Variants in FASN observed in about 807,000 individuals in gnomAD.
FASN encodes fatty acid synthase.
A neutral mutation model predicts 250.0 loss-of-function variants in FASN; 50 were observed. The ratio of observed to expected loss-of-function variants is 0.20; its 90% CI spans 0.16 to 0.25. FASN has a LOEUF of 0.25. Ranked by LOEUF, FASN falls within the 10% of genes least tolerant of loss-of-function variation. The probability of loss-of-function intolerance (pLI) is 1.00; values close to 1 mark genes in which losing one functional copy is unlikely to be tolerated. For synonymous variants in FASN, 1,909 were observed against 1,584.0 expected, an observed-to-expected ratio of 1.21 and a Z score of -4.87; for missense variants, 3,031 against 3,498.5, an observed-to-expected ratio of 0.87 and a Z score of 3.37.
Position 82,085,474 on chromosome 17 carries a change from G to A in FASN, c.4122+8C>T, listed in dbSNP as rs767428016. 4 of 1,588,246 alleles carry A rather than the reference G, an allele frequency of 2.5e-6. No individual in the cohort carries two copies. Among genetic ancestry groups the A allele is most frequent in the East Asian group, 2.3e-5 (1 of 43,454 alleles). ...CCCCCACCCTGTCCCCCTGCCCGGC[G>A]GCCGCACCTGGCTCAGGATGCCCTG... is the stretch of plus-strand genomic sequence containing the variant. On this transcript the variant is annotated splice_region_variant and intron_variant, in intron 23 of 42. Transcript: ENST00000306749.
chr17:82,092,040 G>C (rs1038653381), intron 8 of FASN, among the ~76,000 whole-genome samples: 2 of 152,210 alleles, frequency 1.3e-5, no homozygotes, highest in Non-Finnish European at 2.9e-5. Context: ...CATGGGTGTT[G>C]GGGCTCCTGT....
In FASN at chr17:82,078,973, G is replaced by C. The variant is rs1447225209; in HGVS notation, c.*170C>G. On this transcript the variant is annotated 3_prime_UTR_variant, in exon 43 of 43. Transcript: ENST00000306749. This position sits in a 1 kb window ranked among gnomAD's most constrained non-coding sequence, Gnocchi z 5.4. ...TCCCCGAGGTGCCGTGGGAGGCGGC[G>C]GGTGGGTGGGACATGCCTAACACCT... is the stretch of plus-strand genomic sequence containing the variant. The C allele has an allele frequency of 2.5e-6, 2 of 793,604 alleles. No individual in the cohort carries two copies. Among genetic ancestry groups the C allele is most frequent in the Non-Finnish European group, 4.0e-6 (2 of 497,008 alleles). 49.2% of individuals were successfully genotyped at this position (793,604 alleles called of 1,614,324 possible). A position where few individuals can be genotyped will look rare whatever the true frequency, so the allele number is the denominator to read the frequency against.
chr17:82,090,986 C>A lies in FASN; in HGVS notation c.1576G>T (p.Ala526Ser), dbSNP rs779573465. 9.3e-6 allele frequency: 15 copies of A among 1,612,928 alleles called. No homozygotes were observed. In the South Asian group the frequency reaches 1.5e-4, roughly 17 times the overall value. Residue 526 changes from alanine to serine, a missense_variant, in exon 10 of 43, where the codon GCT becomes TCT. Transcript: ENST00000306749. ...ACCTTCAGGCCGAATGGCTTCACAG[C>A]CTCATCGGAGCGTAGGATGGAATCT... Reference protein sequence around the residue: ...FRDSILRSDEAVKPFGLKVSQ... With the variant: ...FRDSILRSDESVKPFGLKVSQ...
chr17:82,089,379 C>T lies in FASN; in HGVS notation c.1971G>A (p.Pro657=), dbSNP rs151060676. The change falls in exon 13 of 43, where the codon CCG becomes CCA. Residue 657 remains proline, a synonymous_variant. Transcript: ENST00000306749. ...DTVTISGPQA[P]VFEFVEQLRK... is the part of the protein sequence containing the mutation. ...TCAGCTGCTCCACGAACTCAAACAC[C>T]GGGGCCTGGACATCGTGGGAGCCTG... 59 of 1,612,792 alleles carry T rather than the reference C, an allele frequency of 3.7e-5. No individual in the cohort carries two copies. Among genetic ancestry groups the T allele is most frequent in the Middle Eastern group, 1.6e-4 (1 of 6,062 alleles).
rs376432461 is a variant in FASN at position 82,085,100 on chromosome 17, A to G, written c.4344T>C (p.Cys1448=). 5.2e-5 allele frequency: 84 copies of G among 1,612,526 alleles called. No individual in the cohort carries two copies. The highest frequency in any genetic ancestry group is 1.1e-5 in the Non-Finnish European group (13 of 1,179,926). ...SRPVWLKAIN[C]ATSGVVGLVN... ...CCAAGCCCACCACGCCCGAGGTGGCACAGTTGATGGCCTTCAGCCACACAG... is the reference window on the plus strand; with the variant it reads ...CCAAGCCCACCACGCCCGAGGTGGCGCAGTTGATGGCCTTCAGCCACACAG... The change falls in exon 25 of 43, where the codon TGT becomes TGC. Residue 1448 remains cysteine (C), a synonymous_variant. Coordinates refer to ENST00000306749, the MANE Select transcript of FASN (RefSeq NM_004104.5).
Position 82,093,098 on chromosome 17 carries a change from G to T in FASN, c.656-79C>A, listed in dbSNP as rs1245035220. On this transcript the variant is annotated intron_variant, in intron 5 of 42. Coordinates refer to ENST00000306749, the MANE Select transcript of FASN (RefSeq NM_004104.5). ...CCACCAGGAGGAGCTCTGGGGTGTG[G>T]GGTGGGTGCTTGGGTGGGGGATCCC... 1.2e-5 allele frequency: 19 copies of T among 1,588,750 alleles called. No homozygotes were observed. The East Asian group carries it at 4.3e-4, about 36-fold the overall frequency.
chr17:82,086,969 G>A, intron 21 of FASN, 81 bp downstream of exon 21: 1 of 1,523,028 alleles, frequency 6.6e-7, no homozygotes, highest in Non-Finnish European at 9.0e-7. Context: ...CCGTGGAGAA[G>A]CAAGTCTGGG....
Position 82,079,543 on chromosome 17 carries a change from G to A in FASN, c.7212C>T (p.Ile2404=), listed in dbSNP as rs377370967. The A allele has an allele frequency of 6.2e-7, 1 of 1,609,624 alleles. No homozygotes were observed. Among genetic ancestry groups the A allele is most frequent in the East Asian group, 2.2e-5 (1 of 44,880 alleles). The change falls in exon 42 of 43, where the codon ATC becomes ATT. Residue 2404 remains isoleucine (I), a synonymous_variant. Transcript: ENST00000306749. The stretch of plus-strand genomic sequence containing the variant: ...GGTCCAGGCCCTGGTGGCTCTTGAT[G>A]ATCAGGTCCACGGCGGCTGCCACAC... ...EERVAAAVDL[I]IKSHQGLDRQ...
In FASN at chr17:82,078,872, C is replaced by A; in HGVS notation, c.*271G>T. On this transcript the variant is annotated 3_prime_UTR_variant, in exon 43 of 43. Coordinates refer to ENST00000306749, the MANE Select transcript of FASN (RefSeq NM_004104.5). This position sits in a 1 kb window ranked among gnomAD's most constrained non-coding sequence, Gnocchi z 5.4. ...GCGCAGACCCCACGGGCGCACGAGG[C>A]CCAGCCCAGTTCCTGCGGGCACGGG... The A allele has an allele frequency of 1.7e-6, 1 of 576,042 alleles. No individual in the cohort carries two copies. The highest frequency in any genetic ancestry group is 3.1e-6 in the Non-Finnish European group (1 of 321,378). 35.7% of individuals were successfully genotyped at this position (576,042 alleles called of 1,614,324 possible).
rs1370246464 is a variant in FASN at position 82,084,826 on chromosome 17, C to T, written c.4537G>A (p.Ala1513Thr). ...MNVYRDGAWG[A>T]FRHFLLEEDK... Reference sequence around the variant, plus strand: ...TCCTCCAGCAGGAAGTGGCGGAAAGCCCCCCAGGCCCCGTCGCGGTAGACG... The same window carrying T: ...TCCTCCAGCAGGAAGTGGCGGAAAGTCCCCCAGGCCCCGTCGCGGTAGACG... Residue 1513 changes from alanine (A) to threonine (T), a missense_variant, in exon 26 of 43, where the codon GCT becomes ACT. Ala to Thr is a moderately conservative substitution (Grantham distance 58, BLOSUM62 0). Coordinates refer to ENST00000306749, the MANE Select transcript of FASN (RefSeq NM_004104.5). 5.2e-6 allele frequency: 8 copies of T among 1,550,128 alleles called. No homozygotes were observed. The East Asian group carries it at 9.8e-5, about 19-fold the overall frequency.
intron 4 of FASN, 74 bp from the exon 5 acceptor site, chr17:82,093,493 G>C: frequency 1.3e-6 from 2 of 1,587,550 alleles, no homozygotes; most frequent in Non-Finnish European, 1.7e-6. Flanking sequence ...CCTGCCACCA[G>C]GCTGGACACA....
intron 4 of FASN, 85 bp downstream of exon 4, chr17:82,093,513 G>A: frequency 1.3e-6 from 2 of 1,599,062 alleles, no homozygotes; most frequent in South Asian, 1.1e-5. Context: ...ACACTGCACG[G>A]AGTGAGCCCA....
At position 82,087,080 on chromosome 17, in the gene FASN, C is replaced by T; in HGVS notation, c.3397G>A (p.Ala1133Thr). The change falls in exon 21 of 43, where the codon GCC becomes ACC. Residue 1133 changes from alanine (A) to threonine (T), a missense_variant. Coordinates refer to ENST00000306749, the MANE Select transcript of FASN (RefSeq NM_004104.5). ...TEEGCLSERA[A>T]LQEELQLCKG... ...CACAGTTGCAGCTCCTCCTGCAGGGCAGCGCGCTCAGACAGGCACCCCTCC... is the reference window on the plus strand; with the variant it reads ...CACAGTTGCAGCTCCTCCTGCAGGGTAGCGCGCTCAGACAGGCACCCCTCC... 1.9e-6 allele frequency: 3 copies of T among 1,611,528 alleles called. No homozygotes were observed. The highest frequency in any genetic ancestry group is 2.5e-6 in the Non-Finnish European group (3 of 1,179,926).
Position 82,090,514 on chromosome 17 carries a change from G to T in FASN, c.1731C>A (p.Ile577=), listed in dbSNP as rs780238932. 3 of 1,611,764 alleles carry T rather than the reference G, an allele frequency of 1.9e-6. No homozygotes were observed. Among genetic ancestry groups the T allele is most frequent in the Non-Finnish European group, 2.5e-6 (3 of 1,179,556 alleles). The change falls in exon 11 of 43, where the codon ATC becomes ATA. Residue 577 remains isoleucine, a synonymous_variant. Coordinates refer to ENST00000306749, the MANE Select transcript of FASN (RefSeq NM_004104.5). Reference sequence around the variant, plus strand: ...CCACCTCCCCCAGGGAGTGGCCGACGATGCCATCTGGCCTCAGCCCCATGC... The same window carrying T: ...CCACCTCCCCCAGGGAGTGGCCGACTATGCCATCTGGCCTCAGCCCCATGC... ...LSCMGLRPDG[I]VGHSLGEVAC...
At chr17:82,095,566 G>C in intron 2 of FASN, 94 bp from the exon 3 acceptor site, 1 of 1,466,150 alleles carries the variant, frequency 6.8e-7, no homozygotes, top group Non-Finnish European at 9.4e-7. Flanking sequence ...GGCCATGGTG[G>C]AACTGAGGAC....
chr17:82,080,825 C>T lies in FASN; in HGVS notation c.6693G>A (p.Leu2231=). ...AGCTCTGCACGGAGTTGAGCCGCAT[C>T]AGGGTGGGGCCCTCCGGGTTCACCA... is the stretch of plus-strand genomic sequence containing the variant. ...SLLVNPEGPT[L]MRLNSVQSSE... Residue 2231 remains leucine (L), a synonymous_variant, in exon 39 of 43, where the codon CTG becomes CTA. Transcript: ENST00000306749. The T allele has an allele frequency of 6.2e-7, 1 of 1,610,156 alleles. No homozygotes were observed. The highest frequency in any genetic ancestry group is 8.5e-7 in the Non-Finnish European group (1 of 1,179,136).
rs55815831 is a variant in FASN, at chr17:82,080,683, C to T, written c.6826+9G>A. 6.0e-5 allele frequency: 94 copies of T among 1,575,640 alleles called. No individual in the cohort carries two copies. The highest frequency in any genetic ancestry group is 1.1e-4 in the African/African-American group (8 of 74,572). ...TGACCACCGCTTCCAGAGGAGGGCC[C>T]GGGAGTACCTCGGGTGCACTGCAGG... On this transcript the variant is annotated intron_variant, in intron 39 of 42. Coordinates refer to ENST00000306749, the MANE Select transcript of FASN (RefSeq NM_004104.5).
At position 82,093,233 on chromosome 17, in the gene FASN, G is replaced by A; in HGVS notation, c.641C>T (p.Ala214Val). Residue 214 changes from alanine (A) to valine (V), a missense_variant, in exon 5 of 43, where the codon GCC becomes GTC. Physicochemically the swap from Ala to Val is moderately conservative, Grantham distance 64. Transcript: ENST00000306749. ...GMLSPEGTCKAFDTAGNGYCR... is the reference protein window; with the variant it reads ...GMLSPEGTCKVFDTAGNGYCR... Reference sequence around the variant, plus strand: ...CGCACACTCACCCGCTGTGTCGAAGGCCTTGCAGGTGCCCTCGGGGCTGAG... The same window carrying A: ...CGCACACTCACCCGCTGTGTCGAAGACCTTGCAGGTGCCCTCGGGGCTGAG... 1 of 1,585,192 alleles carries A rather than the reference G, an allele frequency of 6.3e-7. No individual in the cohort carries two copies. Among genetic ancestry groups the A allele is most frequent in the Non-Finnish European group, 8.6e-7 (1 of 1,166,712 alleles).
intron 30 of FASN, 63 bp downstream of exon 30, chr17:82,083,709 C>A (rs909807114): frequency 6.2e-7 from 1 of 1,606,762 alleles, no homozygotes; most frequent in Non-Finnish European, 8.5e-7. Context: ...GAGGGCCAGA[C>A]CCTGCTTCTC....
Sources: gnomAD v4.1 joint callset for allele counts (sites outside exome capture counted in the v4.1 genomes callset) on GRCh38, gnomAD v4.1.1 for gene constraint, Gnocchi (gnomAD v3.1) non-coding constraint, MANE v1.5 for transcripts, NCBI Gene and HGNC (gene_info 2026-07-23, HGNC 2026-07-21) for gene names.